The following ANKRD17 variants were observed in gnomAD, a reference collection of about 807,000 sequenced individuals.
The protein encoded by ANKRD17 is ankyrin repeat domain 17.
A neutral mutation model predicts 229.7 loss-of-function variants in ANKRD17; 19 were observed. The ratio of observed to expected loss-of-function variants is 0.08; its 90% CI spans 0.06 to 0.12. The LOEUF is 0.12. Ranked by LOEUF, ANKRD17 falls within the 10% of genes least tolerant of loss-of-function variation. The pLI is 1.00. For synonymous variants in ANKRD17, 1,112 were observed against 1,146.1 expected (o/e 0.97, Z 0.60); for missense variants, 2,176 against 3,176.8 (o/e 0.68, Z 7.57).
At position 73,197,663 on chromosome 4, in the gene ANKRD17, C is replaced by G. The variant is rs1232529624; in HGVS notation, c.394-20130G>C. 3.9e-5 allele frequency among the ~76,000 whole-genome samples: 6 copies of G among 151,998 alleles called. No homozygotes were observed. In the South Asian group the frequency reaches 1.2e-3, roughly 31 times the overall value. Reference sequence around the variant, plus strand: ...TTGAGCAACATAGCAAGACCCATCTCTATTAAAAAAATTTTTTTTTTAATC... The same window carrying G: ...TTGAGCAACATAGCAAGACCCATCTGTATTAAAAAAATTTTTTTTTTAATC... On this transcript the variant is annotated intron_variant, in intron 1 of 33. Transcript: ENST00000358602.
In ANKRD17 at chr4:73,102,443, A is replaced by G; in HGVS notation, c.4506T>C (p.Ile1502=). 1.9e-6 allele frequency: 3 copies of G among 1,606,080 alleles called. No homozygotes were observed. The South Asian group carries it at 3.4e-5, about 18-fold the overall frequency. The change falls in exon 25 of 34, where the codon ATT becomes ATC. Residue 1502 remains isoleucine, a synonymous_variant. Coordinates refer to ENST00000358602, the MANE Select transcript of ANKRD17 (RefSeq NM_032217.5). ...KEEQRRKLEE[I]EAKNKENFEL... ...CAAAGTTCTCTTTATTTTTGGCTTC[A>G]ATTTCTTCTAGTTTCCTTCTTTGTT...
intron 2 of ANKRD17, chr4:73,168,939 T>C (rs948028581): frequency 2.6e-5 from 4 of 152,184 alleles, no homozygotes; most frequent in Non-Finnish European, 5.9e-5. Flanking sequence ...CTTCCTCCCA[T>C]TCTCAAGTAG....
At chr4:73,247,821 T>C (rs1744633874) in intron 1 of ANKRD17, among the ~76,000 whole-genome samples, 2 of 152,088 alleles carry the variant, frequency 1.3e-5, no homozygotes, top group African/African-American at 4.8e-5. Context: ...CCTCTGCTCT[T>C]TGTGATAATT....
chr4:73,132,722 G>C (rs1054824336), intron 16 of ANKRD17, among the ~76,000 whole-genome samples: 1 of 152,084 alleles, frequency 6.6e-6, no homozygotes, highest in Admixed American at 6.5e-5. Context: ...TAACTTCTCA[G>C]AACTAAGTTA....
At chr4:73,225,972 G>A (rs1396570172) in intron 1 of ANKRD17, among the ~76,000 whole-genome samples, 42 of 121,528 alleles carry the variant, frequency 3.5e-4, no homozygotes, top group African/African-American at 1.4e-3. Context: ...AGGCTCTTAA[G>A]CTTTTTTTTT....
chr4:73,201,962 T>C (rs1738727425), intron 1 of ANKRD17, among the ~76,000 whole-genome samples: 1 of 152,158 alleles, frequency 6.6e-6, no homozygotes, highest in Non-Finnish European at 1.5e-5. Flanking sequence ...ACTATTTCTA[T>C]TGAGTACATA....
At chr4:73,230,625 TAAATG>T (rs1392565199) in intron 1 of ANKRD17, among the ~76,000 whole-genome samples, 1 of 152,188 alleles carries the variant, frequency 6.6e-6, no homozygotes, top group Non-Finnish European at 1.5e-5. Context: ...ATCCAACTAA[TAAATG>T]AAATCTGAAA....
chr4:73,258,171 G>A lies in ANKRD17; in HGVS notation c.393+105C>T, dbSNP rs552122317. On this transcript the variant is annotated intron_variant, in intron 1 of 33. Transcript: ENST00000358602. ...GGGCAGTCGAAAGCCTGGCCCCTAA[G>A]AGATCAACCCACTGGAATCTGTCCC... The A allele has an allele frequency of 3.9e-6, 6 of 1,558,080 alleles. No homozygotes were observed. The East Asian group carries it at 9.1e-5, about 24-fold the overall frequency.
chr4:73,128,972 C>A (rs1159209095), intron 16 of ANKRD17, among the ~76,000 whole-genome samples: 3 of 152,120 alleles, frequency 2.0e-5, no homozygotes, highest in African/African-American at 7.2e-5. Context: ...TATAATACAG[C>A]TGACTATTTT....
At chr4:73,165,426 G>C (rs1733097410) in intron 2 of ANKRD17, among the ~76,000 whole-genome samples, 1 of 152,220 alleles carries the variant, frequency 6.6e-6, no homozygotes, top group Non-Finnish European at 1.5e-5. Context: ...TTAAGTGAAA[G>C]TTTACATGAT....
chr4:73,176,942 A>T (rs950152644), intron 2 of ANKRD17, among the ~76,000 whole-genome samples: 2 of 152,232 alleles, frequency 1.3e-5, no homozygotes, highest in Non-Finnish European at 2.9e-5. Flanking sequence ...AAGGACACTT[A>T]TTTATAGCAG....
chr4:73,090,332 T>G (rs1009744501), intron 29 of ANKRD17, among the ~76,000 whole-genome samples: 90 of 152,022 alleles, frequency 5.9e-4, no homozygotes, highest in African/African-American at 2.1e-3. Context: ...ATCACTTGAA[T>G]CTGGGAGGCA....
intron 1 of ANKRD17, among the ~76,000 whole-genome samples, chr4:73,226,521 G>A (rs1742528742): frequency 6.7e-6 from 1 of 148,474 alleles, no homozygotes; most frequent in South Asian, 2.1e-4. Flanking sequence ...AGCCACCAGA[G>A]CGGCTGGGAT....
At chr4:73,208,880 A>G (rs1739865807) in intron 1 of ANKRD17, among the ~76,000 whole-genome samples, 1 of 152,210 alleles carries the variant, frequency 6.6e-6, no homozygotes, top group Admixed American at 6.5e-5. Flanking sequence ...GAATTCAAAA[A>G]AGGGAAAAAA....
At chr4:73,105,356 T>C (rs1428864217) in intron 24 of ANKRD17, among the ~76,000 whole-genome samples, 1 of 150,620 alleles carries the variant, frequency 6.6e-6, no homozygotes, top group Non-Finnish European at 1.5e-5. Context: ...TTACTATATA[T>C]AATAAAATAT....
Position 73,144,741 on chromosome 4 carries a change from C to G in ANKRD17, c.1957+4G>C. On this transcript the variant is annotated splice_donor_region_variant and intron_variant, in intron 11 of 33. Coordinates refer to ENST00000358602, the MANE Select transcript of ANKRD17 (RefSeq NM_032217.5). ...AAAAAGACAACTGTTTTATACAAAC[C>G]TACCTTTACTAATTAAGAACTGAAC... 2.6e-6 allele frequency: 4 copies of G among 1,544,256 alleles called. No individual in the cohort carries two copies. The highest frequency in any genetic ancestry group is 3.5e-6 in the Non-Finnish European group (4 of 1,149,358).
At chr4:73,237,893 T>C (rs1432142118) in intron 1 of ANKRD17, among the ~76,000 whole-genome samples, 1 of 152,164 alleles carries the variant, frequency 6.6e-6, no homozygotes, top group Non-Finnish European at 1.5e-5. Flanking sequence ...ACTTAACAAA[T>C]TCAGAATACA....
In ANKRD17 at chr4:73,156,175, G is replaced by A; in HGVS notation, c.705-9C>T. 6.3e-7 allele frequency: 1 copy of A among 1,584,554 alleles called. No homozygotes were observed. The highest frequency in any genetic ancestry group is 8.5e-7 in the Non-Finnish European group (1 of 1,171,690). On this transcript the variant is annotated splice_polypyrimidine_tract_variant and intron_variant, in intron 3 of 33. Transcript: ENST00000358602. Reference sequence around the variant, plus strand: ...CTTCTGCCAAACTGCGGCTATTACGGAAAGAATATCACAATACCAGAATAT... The same window carrying A: ...CTTCTGCCAAACTGCGGCTATTACGAAAAGAATATCACAATACCAGAATAT...
chr4:73,188,308 C>A (rs569800228), intron 1 of ANKRD17, among the ~76,000 whole-genome samples: 2 of 151,992 alleles, frequency 1.3e-5, no homozygotes, highest in East Asian at 1.9e-4. Context: ...AAATTTAGGC[C>A]AGGTATGGTG....
Sources: gnomAD v4.1 joint callset for allele counts (sites outside exome capture counted in the v4.1 genomes callset) on GRCh38, gnomAD v4.1.1 for gene constraint, MANE v1.5 for transcripts, NCBI Gene and HGNC (gene_info 2026-07-23, HGNC 2026-07-21) for gene names.